Variants in PRR5L observed in about 807,000 individuals in gnomAD.
The protein encoded by PRR5L is proline rich 5 like, also known as proline-rich protein 5-like.
A neutral mutation model predicts 36.4 loss-of-function variants in PRR5L; 21 were observed. The observed-to-expected ratio is 0.58, with a 90% CI of 0.41 to 0.83. The LOEUF is 0.83. Among genes scored for constraint, PRR5L ranks in the 40% least tolerant of loss-of-function variants. The pLI is 0.00. For synonymous variants in PRR5L, 188 were observed against 197.0 expected, an observed-to-expected ratio of 0.95 and a Z score of 0.38; for missense variants, 381 against 473.3, an observed-to-expected ratio of 0.80 and a Z score of 1.81.
intron 8 of PRR5L, among the ~76,000 whole-genome samples, chr11:36,458,028 G>A (rs1401842715): frequency 6.6e-6 from 1 of 152,198 alleles, no homozygotes; most frequent in Non-Finnish European, 1.5e-5. Flanking sequence ...AAGAATGTGG[G>A]AACATTATAG....
At chr11:36,309,643 G>T (rs79680856) in intron 1 of PRR5L, among the ~76,000 whole-genome samples, 1,647 of 70,466 alleles carry the variant, frequency 0.023, no homozygotes, top group Admixed American at 0.03. Flanking sequence ...GGTGGTGGTA[G>T]TGGGGATGAT....
At chr11:36,419,715 C>G (rs1014764587) in intron 4 of PRR5L, among the ~76,000 whole-genome samples, 23 of 152,180 alleles carry the variant, frequency 1.5e-4, no homozygotes, top group African/African-American at 5.1e-4. Flanking sequence ...GAGATCTCTG[C>G]ATTGTCTGGC....
At chr11:36,300,294 G>T (rs747742109) in intron 1 of PRR5L, among the ~76,000 whole-genome samples, 1 of 152,032 alleles carries the variant, frequency 6.6e-6, no homozygotes, top group South Asian at 2.1e-4. Flanking sequence ...AGAAGGTGAG[G>T]GGGGAGCATG....
intron 7 of PRR5L, 41 bp downstream of exon 7, chr11:36,446,481 G>A: frequency 6.2e-7 from 1 of 1,607,250 alleles, no homozygotes; most frequent in Non-Finnish European, 8.5e-7. Context: ...CAGAGGGAGG[G>A]AGCGAGGGAA....
At position 36,436,723 on chromosome 11, in the gene PRR5L, A is replaced by T. The variant is rs1480747921; in HGVS notation, c.353-662A>T. On this transcript the variant is annotated intron_variant, in intron 5 of 8. Coordinates refer to ENST00000530639, the MANE Select transcript of PRR5L (RefSeq NM_001160167.2). The stretch of plus-strand genomic sequence containing the variant: ...TGATCTTCCTGGATAAGATTGGCCA[A>T]GAGCATGGGTTCTGGAATCACAGCT... 3.9e-5 allele frequency among the ~76,000 whole-genome samples: 6 copies of T among 152,234 alleles called. No individual in the cohort carries two copies. In the South Asian group the frequency reaches 8.3e-4, roughly 21 times the overall value.
intron 1 of PRR5L, among the ~76,000 whole-genome samples, chr11:36,301,911 A>C (rs1397823744): frequency 2.6e-5 from 4 of 152,168 alleles, no homozygotes; most frequent in African/African-American, 9.7e-5. Context: ...GGGGAGATGC[A>C]AGCTGGAATA....
chr11:36,382,173 T>G (rs1857381371), intron 1 of PRR5L, among the ~76,000 whole-genome samples: 1 of 151,954 alleles, frequency 6.6e-6, no homozygotes, highest in South Asian at 2.1e-4. Context: ...AAAGAAAACC[T>G]CCCCACCAAG....
At chr11:36,365,128 C>A (rs1857131202) in intron 1 of PRR5L, among the ~76,000 whole-genome samples, 1 of 152,174 alleles carries the variant, frequency 6.6e-6, no homozygotes, top group Non-Finnish European at 1.5e-5. Context: ...GTCCTTAGAT[C>A]ATATCTGTTA....
chr11:36,397,067 C>CT (rs11300346), intron 1 of PRR5L, among the ~76,000 whole-genome samples: 12,201 of 130,560 alleles, frequency 0.093, 673 homozygotes, highest in East Asian at 0.14. Context: ...GTTTTCTTTT[C>CT]TTTTTTTTTT....
intron 3 of PRR5L, among the ~76,000 whole-genome samples, chr11:36,408,597 C>A (rs7122435): frequency 1.3e-5 from 2 of 151,846 alleles, no homozygotes; most frequent in African/African-American, 2.4e-5. Flanking sequence ...GGTGTTAGTG[C>A]GGTTTTTAAC....
At chr11:36,423,123 G>C (rs1026069577) in intron 4 of PRR5L, among the ~76,000 whole-genome samples, 11 of 152,144 alleles carry the variant, frequency 7.2e-5, no homozygotes, top group Non-Finnish European at 1.5e-4. Flanking sequence ...GCTTGATATA[G>C]AAACTCAGGC....
intron 3 of PRR5L, among the ~76,000 whole-genome samples, chr11:36,416,851 C>T (rs1378895366): frequency 1.3e-5 from 2 of 151,922 alleles, no homozygotes; most frequent in Non-Finnish European, 1.5e-5. Flanking sequence ...TTGGATTCCT[C>T]AACTGGGTAG....
Position 36,342,158 on chromosome 11 carries a change from C to T in PRR5L, c.-126+45720C>T, listed in dbSNP as rs142832290. Among the ~76,000 whole-genome samples, 447 of 152,264 alleles carry T rather than the reference C, an allele frequency of 2.9e-3. 7 individuals are homozygous for T. The highest frequency in any genetic ancestry group is 1.0e-2 in the African/African-American group (414 of 41,542). ...CTGAGGCACTCCCCATGTCCTACTCCGCACTCCATGAAGGCTCAACTAAGG... is the reference window on the plus strand; with the variant it reads ...CTGAGGCACTCCCCATGTCCTACTCTGCACTCCATGAAGGCTCAACTAAGG... On this transcript the variant is annotated intron_variant, in intron 1 of 8. Coordinates refer to ENST00000530639, the MANE Select transcript of PRR5L (RefSeq NM_001160167.2).
rs11604953 is a variant in PRR5L, at chr11:36,445,118, G to T, written c.445-1182G>T. 4.8e-3 allele frequency among the ~76,000 whole-genome samples: 736 copies of T among 152,288 alleles called. 6 individuals carry two copies. The highest frequency in any genetic ancestry group is 0.016 in the African/African-American group (675 of 41,554). ...TGTGTGTATCTGTTGGATGTGGGGG[G>T]TCAGGGGATATGGAGATAGCAAAAC... On this transcript the variant is annotated intron_variant, in intron 6 of 8. Coordinates refer to ENST00000530639, the MANE Select transcript of PRR5L (RefSeq NM_001160167.2).
intron 4 of PRR5L, among the ~76,000 whole-genome samples, chr11:36,420,177 T>C (rs1345401927): frequency 6.6e-6 from 1 of 152,248 alleles, no homozygotes; most frequent in Non-Finnish European, 1.5e-5. Context: ...TCCCTACTTC[T>C]CACTCATTTG....
chr11:36,397,818 C>G (rs183813881), intron 1 of PRR5L, among the ~76,000 whole-genome samples: 1 of 148,840 alleles, frequency 6.7e-6, no homozygotes, highest in Admixed American at 6.7e-5. Context: ...TTTTTTGAGA[C>G]GAGTTTCGCT....
intron 1 of PRR5L, among the ~76,000 whole-genome samples, chr11:36,372,167 A>G (rs1857204554): frequency 1.3e-5 from 2 of 152,284 alleles, no homozygotes; most frequent in African/African-American, 4.8e-5. Context: ...AGAGGAAGAG[A>G]GTGTGGACAG....
chr11:36,314,052 A>G (rs1388095123), intron 1 of PRR5L, among the ~76,000 whole-genome samples: 4 of 152,160 alleles, frequency 2.6e-5, no homozygotes, highest in South Asian at 2.1e-4. Flanking sequence ...TCTCTACTTC[A>G]CAGTATTGTG....
At chr11:36,382,966 A>G (rs544116788) in intron 1 of PRR5L, among the ~76,000 whole-genome samples, 2 of 152,302 alleles carry the variant, frequency 1.3e-5, no homozygotes, top group East Asian at 3.9e-4. Flanking sequence ...AAGGTGATAG[A>G]GATGGCCTGG....
Sources: allele counts gnomAD v4.1 joint callset (sites outside exome capture counted in the v4.1 genomes callset), GRCh38; gene constraint gnomAD v4.1.1; transcripts MANE v1.5; gene names NCBI Gene and HGNC (gene_info 2026-07-23, HGNC 2026-07-21).